The following ANKFN1 variants were observed in gnomAD, a reference collection of about 807,000 sequenced individuals.
ANKFN1 encodes ankyrin repeat and fibronectin type-III domain-containing protein 1.
In ANKFN1, 74 loss-of-function variants were observed where a neutral mutation model predicts 108.7. The observed-to-expected ratio is 0.68, with a 90% confidence interval of 0.56 to 0.83. The LOEUF (loss-of-function observed/expected upper bound fraction) is 0.83. Among genes scored for constraint, ANKFN1 ranks in the 40% least tolerant of loss-of-function variants. The pLI is 0.00. For synonymous variants in ANKFN1, 547 were observed against 516.2 expected (o/e 1.06, Z -0.81); for missense variants, 1,505 against 1,382.3 (o/e 1.09, Z -1.41).
chr17:56,348,667 C>T lies in ANKFN1; in HGVS notation c.189-2099C>T, dbSNP rs539473210. Reference sequence around the variant, plus strand: ...TGCAAAAAAGCTCAACATCACTGATCATTAGATAAAATCCACAATGAGTTA... The same window carrying T: ...TGCAAAAAAGCTCAACATCACTGATTATTAGATAAAATCCACAATGAGTTA... On this transcript the variant is annotated intron_variant, in intron 4 of 20. Coordinates refer to ENST00000682825, the MANE Select transcript of ANKFN1 (RefSeq NM_001370326.1). Among the ~76,000 whole-genome samples the T allele has an allele frequency of 5.9e-5, 9 of 152,092 alleles. No homozygotes were observed. In the South Asian group the frequency reaches 1.7e-3, roughly 28 times the overall value.
chr17:56,166,296 A>G (rs987293079), intron 1 of ANKFN1, among the ~76,000 whole-genome samples: 6 of 152,182 alleles, frequency 3.9e-5, no homozygotes, highest in African/African-American at 1.4e-4. Context: ...ATTGGACAAG[A>G]TCAGAGATGC....
In ANKFN1 at chr17:56,467,806, G is replaced by GAA. The variant is rs56100100; in HGVS notation, c.1773+1237_1773+1238dup. 3.5e-3 allele frequency among the ~76,000 whole-genome samples: 124 copies of GAA among 35,526 alleles called. 1 individual carries two copies. The highest frequency in any genetic ancestry group is 0.03 in the Middle Eastern group (2 of 66). 23.3% of individuals were successfully genotyped at this position (35,526 alleles called of 152,430 possible). A position where few individuals can be genotyped will look rare whatever the true frequency, so the allele number is the denominator to read the frequency against. On this transcript the variant is annotated intron_variant, in intron 15 of 20. Transcript: ENST00000682825. ...AAGAAAGAAAGAAGAAAGAAAGAAA[G>GAA]AAAGAAAGAAAGAAAGAAAGAAAGA...
intron 4 of ANKFN1, among the ~76,000 whole-genome samples, chr17:56,118,613 G>A (rs573782771): frequency 6.6e-6 from 1 of 152,200 alleles, no homozygotes; most frequent in Admixed American, 6.5e-5. Flanking sequence ...TGTTACATGT[G>A]TTAACACACA....
intron 8 of ANKFN1, among the ~76,000 whole-genome samples, chr17:56,401,468 T>G (rs749369228): frequency 1.3e-5 from 2 of 152,042 alleles, no homozygotes; most frequent in East Asian, 1.9e-4. Context: ...GTTGAGTTCT[T>G]GATTTGATTA....
chr17:56,328,756 C>A (rs1405724447), intron 4 of ANKFN1, among the ~76,000 whole-genome samples: 1 of 135,988 alleles, frequency 7.4e-6, no homozygotes, highest in Non-Finnish European at 1.6e-5. Context: ...TCTAAACTCA[C>A]TTCTCTGCCT....
chr17:56,056,521 G>A (rs1904880745), intron 4 of ANKFN1, among the ~76,000 whole-genome samples: 1 of 152,000 alleles, frequency 6.6e-6, no homozygotes, highest in Admixed American at 6.6e-5. Context: ...ATAAAGCCCA[G>A]TGCCTACAAT....
intron 4 of ANKFN1, among the ~76,000 whole-genome samples, chr17:56,051,316 AC>A (rs1904770827): frequency 9.6e-6 from 1 of 104,562 alleles, no homozygotes; most frequent in Non-Finnish European, 2.0e-5. Context: ...AAAGACAAAA[AC>A]CACATGATTA....
intron 8 of ANKFN1, among the ~76,000 whole-genome samples, chr17:56,412,741 G>A (rs913757095): frequency 6.6e-6 from 1 of 152,146 alleles, no homozygotes; most frequent in East Asian, 1.9e-4. Flanking sequence ...TACTTTTGAG[G>A]TTTTAGAACT....
intron 3 of ANKFN1, among the ~76,000 whole-genome samples, chr17:56,300,557 A>G (rs1333935680): frequency 6.7e-6 from 1 of 149,620 alleles, no homozygotes. Flanking sequence ...GATATTTTTT[A>G]GCCTTTCCTC....
At chr17:56,052,354 G>A (rs967248460) in intron 4 of ANKFN1, among the ~76,000 whole-genome samples, 1 of 152,172 alleles carries the variant, frequency 6.6e-6, no homozygotes, top group African/African-American at 2.4e-5. Flanking sequence ...GATTTCCAGT[G>A]GAAGTGGTGG....
chr17:56,204,966 C>T (rs1914404137), intron 1 of ANKFN1, among the ~76,000 whole-genome samples: 2 of 152,232 alleles, frequency 1.3e-5, no homozygotes, highest in South Asian at 2.1e-4. Context: ...GTCCCAGCTA[C>T]TCGGGAGGCT....
chr17:56,318,123 A>T (rs72833855), intron 3 of ANKFN1, among the ~76,000 whole-genome samples: 7 of 152,224 alleles, frequency 4.6e-5, no homozygotes, highest in South Asian at 2.1e-4. Context: ...GCCTTTTTTT[A>T]AATTTTATTT....
intron 1 of ANKFN1, among the ~76,000 whole-genome samples, chr17:56,157,066 G>T (rs960904622): frequency 6.6e-6 from 1 of 152,188 alleles, no homozygotes; most frequent in Admixed American, 6.5e-5. Context: ...CTCCAAAACA[G>T]TGGGATTCAG....
chr17:56,484,831 A>G (rs939696113), intron 18 of ANKFN1, among the ~76,000 whole-genome samples: 1 of 152,172 alleles, frequency 6.6e-6, no homozygotes, highest in African/African-American at 2.4e-5. Context: ...TTACAGGCAA[A>G]AATACATGAA....
intron 1 of ANKFN1, among the ~76,000 whole-genome samples, chr17:56,202,349 T>C (rs916421163): frequency 5.9e-5 from 9 of 152,182 alleles, no homozygotes; most frequent in Non-Finnish European, 1.3e-4. Flanking sequence ...ATGCCTCCAG[T>C]CTGGGTGGCT....
At chr17:56,170,797 TATATATATATAC>T (rs1405345854) in intron 1 of ANKFN1, among the ~76,000 whole-genome samples, 29 of 62,646 alleles carry the variant, frequency 4.6e-4, no homozygotes, top group African/African-American at 1.3e-3. Flanking sequence ...TATATATATA[TATATATATATAC>T]ACACACACAC....
chr17:56,254,740 A>G (rs1324568228), intron 3 of ANKFN1, among the ~76,000 whole-genome samples: 2 of 152,152 alleles, frequency 1.3e-5, no homozygotes, highest in African/African-American at 4.8e-5. Flanking sequence ...CACAAGACAG[A>G]GGTACAGCAG....
In ANKFN1 at chr17:56,457,276, A is replaced by G. The variant is rs1303115524; in HGVS notation, c.1327A>G (p.Ile443Val). The G allele has an allele frequency of 2.5e-6, 4 of 1,591,066 alleles. No homozygotes were observed. The highest frequency in any genetic ancestry group is 1.4e-5 in the African/African-American group (1 of 73,810). ...TTTTAGGGGACTCTACATAGCCGTTATATTTTATTACAAAGACAATATCTT... is the reference window on the plus strand; with the variant it reads ...TTTTAGGGGACTCTACATAGCCGTTGTATTTTATTACAAAGACAATATCTT... Reference protein sequence around the residue: ...TLKRGLYIAVIFYYKDNILVT... With the variant: ...TLKRGLYIAVVFYYKDNILVT... The change falls in exon 13 of 21, where the codon ATA becomes GTA. Residue 443 changes from isoleucine to valine, a missense_variant. Coordinates refer to ENST00000682825, the MANE Select transcript of ANKFN1 (RefSeq NM_001370326.1).
intron 8 of ANKFN1, among the ~76,000 whole-genome samples, chr17:56,439,571 C>T (rs539098521): frequency 6.6e-6 from 1 of 151,888 alleles, no homozygotes; most frequent in South Asian, 2.1e-4. Flanking sequence ...ACATTAAACA[C>T]CTTAGCCACA....
Sources: gnomAD v4.1 joint callset for allele counts (sites outside exome capture counted in the v4.1 genomes callset) on GRCh38, gnomAD v4.1.1 for gene constraint, MANE v1.5 for transcripts, NCBI Gene and HGNC (gene_info 2026-07-23, HGNC 2026-07-21) for gene names.